The following PHKB variants were observed in gnomAD, a reference collection of about 807,000 sequenced individuals.
PHKB encodes the protein phosphorylase kinase regulatory subunit beta.
In PHKB, 122 loss-of-function variants were observed where a neutral mutation model predicts 152.1. The ratio of observed to expected loss-of-function variants is 0.80; its 90% confidence interval spans 0.69 to 0.93. The LOEUF (loss-of-function observed/expected upper bound fraction) is 0.93. Ranked by LOEUF, PHKB falls within the 40% of genes least tolerant of loss-of-function variation. The probability of loss-of-function intolerance (pLI) is 0.00; values close to 1 mark genes in which losing one functional copy is unlikely to be tolerated. For synonymous variants in PHKB, 436 were observed against 464.9 expected, an observed-to-expected ratio of 0.94 and a Z score of 0.80; for missense variants, 1,304 against 1,328.4, an observed-to-expected ratio of 0.98 and a Z score of 0.29.
chr16:47,657,238 G>A (rs1973355036), intron 20 of PHKB, among the ~76,000 whole-genome samples: 1 of 152,086 alleles, frequency 6.6e-6, no homozygotes, highest in Non-Finnish European at 1.5e-5. Context: ...CCTCACTACT[G>A]TTATCTGTGG....
At chr16:47,479,748 ACTT>A (rs1293395776) in intron 1 of PHKB, among the ~76,000 whole-genome samples, 2 of 152,136 alleles carry the variant, frequency 1.3e-5, no homozygotes, top group African/African-American at 4.8e-5. Flanking sequence ...CATATTCCAA[ACTT>A]GAACTTAGTC....
chr16:47,541,915 G>A (rs1971066756), intron 6 of PHKB, among the ~76,000 whole-genome samples: 1 of 152,086 alleles, frequency 6.6e-6, no homozygotes, highest in African/African-American at 2.4e-5. Flanking sequence ...CAGATGGGTA[G>A]ATTGCAAAAT....
intron 20 of PHKB, among the ~76,000 whole-genome samples, chr16:47,651,748 T>C (rs957900712): frequency 2.6e-5 from 4 of 152,206 alleles, no homozygotes; most frequent in Admixed American, 2.0e-4. Flanking sequence ...AAGAAAGACC[T>C]ACGTAGTAGT....
At chr16:47,519,800 A>G (rs1257094431) in intron 6 of PHKB, among the ~76,000 whole-genome samples, 1 of 152,180 alleles carries the variant, frequency 6.6e-6, no homozygotes, top group African/African-American at 2.4e-5. Context: ...TATTTTTAGC[A>G]GTAGTTTTTA....
At chr16:47,683,870 T>C (rs907526727) in intron 26 of PHKB, among the ~76,000 whole-genome samples, 12 of 152,210 alleles carry the variant, frequency 7.9e-5, no homozygotes, top group Admixed American at 3.9e-4. Flanking sequence ...CTGGGAACTG[T>C]AGACCGGAGC....
At chr16:47,564,386 G>C (rs929171727) in intron 7 of PHKB, among the ~76,000 whole-genome samples, 2 of 152,060 alleles carry the variant, frequency 1.3e-5, no homozygotes, top group African/African-American at 4.8e-5. Flanking sequence ...GAGTAAGGAG[G>C]TATCTCACTG....
At chr16:47,525,935 C>G (rs1207960685) in intron 6 of PHKB, among the ~76,000 whole-genome samples, 1 of 152,134 alleles carries the variant, frequency 6.6e-6, no homozygotes, top group Non-Finnish European at 1.5e-5. Context: ...AATTTGAGTA[C>G]TTTCTGTGGC....
chr16:47,629,551 T>G (rs1356256053), intron 14 of PHKB, among the ~76,000 whole-genome samples: 9 of 150,482 alleles, frequency 6.0e-5, no homozygotes, highest in South Asian at 2.1e-4. Context: ...TGTGGAGAAA[T>G]AGGAACACTT....
chr16:47,584,964 C>A (rs941401377), intron 8 of PHKB, among the ~76,000 whole-genome samples: 2 of 152,142 alleles, frequency 1.3e-5, no homozygotes, highest in Non-Finnish European at 2.9e-5. Flanking sequence ...GTACCCTTGG[C>A]CTTAGGGACT....
intron 1 of PHKB, among the ~76,000 whole-genome samples, chr16:47,494,119 T>C (rs1970194630): frequency 6.6e-6 from 1 of 152,186 alleles, no homozygotes; most frequent in Non-Finnish European, 1.5e-5. Flanking sequence ...ACTTATCGTA[T>C]TGGTACCAAG....
intron 11 of PHKB, 85 bp downstream of exon 11, chr16:47,593,642 A>G: frequency 1.2e-6 from 1 of 822,218 alleles, no homozygotes; most frequent in South Asian, 1.4e-5. Context: ...GAAGAGCAGA[A>G]ATAAATTATG....
At chr16:47,660,933 G>A in intron 22 of PHKB, 114 bp downstream of exon 22, 3 of 1,038,202 alleles carry the variant, frequency 2.9e-6, no homozygotes, top group Admixed American at 3.6e-5. Flanking sequence ...TTAATCTGGA[G>A]GTGGATGACT....
chr16:47,637,842 A>C lies in PHKB; in HGVS notation c.1459-3193A>C, dbSNP rs79871194. The stretch of plus-strand genomic sequence containing the variant: ...TCAACATCAGAAATTTATTTCTCGC[A>C]GTTCTAAAAGCTGGGTGATCCAAGA... On this transcript the variant is annotated intron_variant, in intron 14 of 30. Transcript: ENST00000323584. Among the ~76,000 whole-genome samples, 40 of 152,276 alleles carry C rather than the reference A, an allele frequency of 2.6e-4. No homozygotes were observed. In the East Asian group the frequency reaches 7.5e-3, roughly 29 times the overall value.
At chr16:47,514,003 A>C in intron 5 of PHKB, among the ~76,000 whole-genome samples, 1 of 152,184 alleles carries the variant, frequency 6.6e-6, no homozygotes, top group Non-Finnish European at 1.5e-5. Context: ...TGCAAAAAGA[A>C]ACTTTGTATT....
At chr16:47,600,442 TCAA>T (rs1172000307) in intron 13 of PHKB, among the ~76,000 whole-genome samples, 2 of 152,346 alleles carry the variant, frequency 1.3e-5, no homozygotes, top group East Asian at 3.9e-4. Flanking sequence ...AGTTATACTT[TCAA>T]CTGTTATTCA....
intron 4 of PHKB, among the ~76,000 whole-genome samples, chr16:47,507,909 CA>C (rs1970448227): frequency 6.6e-6 from 1 of 152,092 alleles, no homozygotes; most frequent in Non-Finnish European, 1.5e-5. Flanking sequence ...AATACTGTTG[CA>C]AGAGGAAATA....
At chr16:47,524,693 A>T (rs766402000) in intron 6 of PHKB, among the ~76,000 whole-genome samples, 1 of 152,174 alleles carries the variant, frequency 6.6e-6, no homozygotes, top group Non-Finnish European at 1.5e-5. Flanking sequence ...TATTGACCAC[A>T]TATTCTCAGC....
intron 1 of PHKB, among the ~76,000 whole-genome samples, chr16:47,468,661 A>T (rs1969711939): frequency 6.6e-6 from 1 of 152,236 alleles, no homozygotes; most frequent in Admixed American, 6.5e-5. Context: ...CTCACAAAAT[A>T]AAATAAATAA....
intron 28 of PHKB, among the ~76,000 whole-genome samples, chr16:47,695,086 C>T (rs895711051): frequency 6.6e-6 from 1 of 152,170 alleles, no homozygotes; most frequent in Non-Finnish European, 1.5e-5. Context: ...ATGATTTCCT[C>T]AAGGTCACAC....
Sources: gnomAD v4.1 joint callset for allele counts (sites outside exome capture counted in the v4.1 genomes callset) on GRCh38, gnomAD v4.1.1 for gene constraint, MANE v1.5 for transcripts, NCBI Gene and HGNC (gene_info 2026-07-23, HGNC 2026-07-21) for gene names.